Variants in ARID1B observed in about 807,000 individuals in gnomAD.
The protein encoded by ARID1B is AT-rich interactive domain-containing protein 1B.
ARID1B carries 30 observed loss-of-function variants against 212.3 expected under a neutral mutation model. The ratio of observed to expected loss-of-function variants is 0.14; its 90% CI spans 0.11 to 0.19. ARID1B has a LOEUF of 0.19. Ranked by LOEUF, ARID1B falls within the 10% of genes least tolerant of loss-of-function variation. ARID1B has a pLI of 1.00. For missense variants in ARID1B, 2,891 were observed against 3,204.0 expected (o/e 0.90, Z 2.36); for synonymous variants, 1,402 against 1,301.7 (o/e 1.08, Z -1.66).
Position 157,133,023 on chromosome 6 carries a change from CTT to C in ARID1B, c.2582-4_2582-3del. ...TTTATATGTTTCCATTTATTTCCCA[CTT>C]AGGTTTTATGGCAGGCACACAAAGA... is the stretch of plus-strand genomic sequence containing the variant. On this transcript the variant is annotated splice_region_variant and splice_polypyrimidine_tract_variant and intron_variant, in intron 6 of 19. Coordinates refer to ENST00000636930, the MANE Select transcript of ARID1B (RefSeq NM_001374828.1). The C allele has an allele frequency of 6.3e-7, 1 of 1,594,858 alleles. No individual in the cohort carries two copies. Among genetic ancestry groups the C allele is most frequent in the African/African-American group, 1.4e-5 (1 of 73,840 alleles).
intron 3 of ARID1B, among the ~76,000 whole-genome samples, chr6:156,932,170 C>G (rs1401052745): frequency 6.8e-6 from 1 of 147,116 alleles, no homozygotes; most frequent in Non-Finnish European, 1.5e-5. Flanking sequence ...TGAAGAAATA[C>G]CAAACTGAAA....
At chr6:157,138,471 C>CAA (rs1789097264) in intron 7 of ARID1B, among the ~76,000 whole-genome samples, 1 of 152,162 alleles carries the variant, frequency 6.6e-6, no homozygotes, top group African/African-American at 2.4e-5. Flanking sequence ...CTCCTGGGCT[C>CAA]ACATGATCCA....
At chr6:156,900,653 A>G (rs1274647559) in intron 2 of ARID1B, among the ~76,000 whole-genome samples, 4 of 152,232 alleles carry the variant, frequency 2.6e-5, no homozygotes, top group African/African-American at 7.2e-5. Context: ...CAAAAATACT[A>G]TCCATGGTAT....
At chr6:157,020,782 CAATA>C (rs1313704618) in intron 4 of ARID1B, among the ~76,000 whole-genome samples, 2 of 152,184 alleles carry the variant, frequency 1.3e-5, no homozygotes, top group Non-Finnish European at 2.9e-5. Flanking sequence ...GGTCATAACT[CAATA>C]AATTATTTTT....
rs6939341 is a variant in ARID1B at position 156,956,553 on chromosome 6, C to T, written c.2247+20977C>T. 5.7e-3 allele frequency among the ~76,000 whole-genome samples: 872 copies of T among 152,160 alleles called. 14 individuals carry two copies. The highest frequency in any genetic ancestry group is 0.02 in the African/African-American group (839 of 41,494). On this transcript the variant is annotated intron_variant, in intron 4 of 19. Transcript: ENST00000636930. ...TCACCATGGAGGCTTCTTTAACCAGCCTGCAGTTTCAGCTTGAGTTTGGGG... is the reference window on the plus strand; with the variant it reads ...TCACCATGGAGGCTTCTTTAACCAGTCTGCAGTTTCAGCTTGAGTTTGGGG...
chr6:156,983,759 G>C (rs1777762412), intron 4 of ARID1B, among the ~76,000 whole-genome samples: 1 of 152,096 alleles, frequency 6.6e-6, no homozygotes, highest in Admixed American at 6.5e-5. Context: ...GTCTACAATG[G>C]AAGAGGGATG....
At chr6:157,193,491 G>A (rs1023334299) in intron 15 of ARID1B, 3 of 152,018 alleles carry the variant, frequency 2.0e-5, no homozygotes, top group Admixed American at 1.3e-4. Flanking sequence ...GTAGTTCTTC[G>A]CTCTGTGTGT....
chr6:156,784,901 A>C (rs1484539874), intron 1 of ARID1B, among the ~76,000 whole-genome samples: 1 of 152,178 alleles, frequency 6.6e-6, no homozygotes, highest in Non-Finnish European at 1.5e-5. Context: ...CTGGGACTAC[A>C]GGTGCACGCC....
At chr6:156,911,786 A>G (rs1391247919) in intron 3 of ARID1B, among the ~76,000 whole-genome samples, 2 of 152,216 alleles carry the variant, frequency 1.3e-5, no homozygotes, top group African/African-American at 2.4e-5. Context: ...CATGGACTCC[A>G]CAGGTGCAAA....
chr6:156,953,501 T>TA (rs1167415376), intron 4 of ARID1B, among the ~76,000 whole-genome samples: 2 of 152,184 alleles, frequency 1.3e-5, no homozygotes, highest in Non-Finnish European at 2.9e-5. Flanking sequence ...TATGTAATTT[T>TA]AAAAAAAGAA....
At chr6:156,924,335 A>G (rs1008304865) in intron 3 of ARID1B, among the ~76,000 whole-genome samples, 2 of 152,130 alleles carry the variant, frequency 1.3e-5, no homozygotes, top group Non-Finnish European at 2.9e-5. Context: ...AGGATGTGCT[A>G]TTTTTTTCTT....
At chr6:157,197,595 C>G (rs1793814283) in intron 16 of ARID1B, among the ~76,000 whole-genome samples, 1 of 152,150 alleles carries the variant, frequency 6.6e-6, no homozygotes, top group African/African-American at 2.4e-5. Context: ...ATAATACGGC[C>G]AATATTTACT....
chr6:156,779,451 C>T lies in ARID1B; in HGVS notation c.1771C>T (p.Pro591Ser), dbSNP rs200682868. Residue 591 changes from proline (P) to serine (S), a missense_variant, in exon 1 of 20, where the codon CCG becomes TCG. Pro to Ser is a moderately conservative substitution (Grantham distance 74). This residue lies in a region of ARID1B where 1,643 missense variants were observed against 1,544.0 expected (regional missense o/e 1.06). Coordinates refer to ENST00000636930, the MANE Select transcript of ARID1B (RefSeq NM_001374828.1). ...GGCGATGAGCCCCGGCACCCCCGGACCGACCATGGGCAGATCCCAGGTAAC... is the reference window on the plus strand; with the variant it reads ...GGCGATGAGCCCCGGCACCCCCGGATCGACCATGGGCAGATCCCAGGTAAC... ...HPAMSPGTPG[P>S]TMGRSQGSPM... 4.5e-4 allele frequency: 656 copies of T among 1,455,742 alleles called. 7 individuals are homozygous for T. The highest frequency in any genetic ancestry group is 1.7e-4 in the Admixed American group (8 of 47,594). The allele number at this position is 1,455,742 out of a possible 1,614,324, so 90.2% of individuals were successfully genotyped here.
intron 4 of ARID1B, among the ~76,000 whole-genome samples, chr6:157,053,947 G>C (rs146347807): frequency 6.6e-6 from 1 of 151,982 alleles, no homozygotes; most frequent in Non-Finnish European, 1.5e-5. Context: ...ACATTAGGCC[G>C]GGCACAGGGG....
intron 15 of ARID1B, among the ~76,000 whole-genome samples, chr6:157,192,336 C>T (rs1793438370): frequency 6.6e-6 from 1 of 152,102 alleles, no homozygotes; most frequent in Non-Finnish European, 1.5e-5. Flanking sequence ...CCACATTAGA[C>T]AACTATAGGT....
intron 2 of ARID1B, among the ~76,000 whole-genome samples, chr6:156,866,386 C>T (rs573222169): frequency 1.3e-5 from 2 of 152,144 alleles, no homozygotes; most frequent in East Asian, 1.9e-4. Context: ...CACCAATCGC[C>T]GAGCCTTTGG....
chr6:157,040,623 GA>G (rs1445834172), intron 4 of ARID1B, among the ~76,000 whole-genome samples: 1 of 152,198 alleles, frequency 6.6e-6, no homozygotes, highest in Non-Finnish European at 1.5e-5. Context: ...ACCCAGAAAT[GA>G]AAACAACTTA....
chr6:157,004,915 T>TG (rs1779146634), intron 4 of ARID1B, among the ~76,000 whole-genome samples: 9 of 81,406 alleles, frequency 1.1e-4, no homozygotes, highest in Non-Finnish European at 2.0e-4. Context: ...TTTTTTTTTT[T>TG]TTTTTTTTTT....
intron 2 of ARID1B, among the ~76,000 whole-genome samples, chr6:156,876,458 T>C (rs932079050): frequency 6.6e-6 from 1 of 152,228 alleles, no homozygotes; most frequent in Non-Finnish European, 1.5e-5. Flanking sequence ...GACTCACTGC[T>C]GATGCCGGCT....
Sources: allele counts gnomAD v4.1 joint callset (sites outside exome capture counted in the v4.1 genomes callset), GRCh38; gene constraint gnomAD v4.1.1; regional missense constraint gnomAD v4.1.1; transcripts MANE v1.5; gene names NCBI Gene and HGNC (gene_info 2026-07-23, HGNC 2026-07-21).